The following TTLL5 variants were observed in gnomAD, a reference collection of about 807,000 sequenced individuals.
TTLL5 encodes tubulin polyglutamylase TTLL5.
TTLL5 carries 132 observed loss-of-function variants against 168.4 expected under a neutral mutation model. The observed-to-expected ratio is 0.78, with a 90% CI of 0.68 to 0.91. The LOEUF is 0.91. Ranked by LOEUF, TTLL5 falls within the 40% of genes least tolerant of loss-of-function variation. The pLI is 0.00. For missense variants in TTLL5, 1,545 were observed against 1,581.5 expected (o/e 0.98, Z 0.39); for synonymous variants, 546 against 558.6 (o/e 0.98, Z 0.32).
intron 28 of TTLL5, among the ~76,000 whole-genome samples, chr14:75,836,649 A>C (rs1342597616): frequency 6.6e-6 from 1 of 152,210 alleles, no homozygotes; most frequent in African/African-American, 2.4e-5. Flanking sequence ...GCCTTTATCA[A>C]AATATCTCAT....
intron 24 of TTLL5, among the ~76,000 whole-genome samples, chr14:75,782,144 G>A (rs1319641114): frequency 2.0e-5 from 3 of 151,956 alleles, no homozygotes; most frequent in Non-Finnish European, 4.4e-5. Flanking sequence ...AGAACCCTCA[G>A]TCTGAATTCC....
intron 19 of TTLL5, 100 bp downstream of exon 19, chr14:75,764,872 G>T: frequency 7.4e-7 from 1 of 1,345,562 alleles, no homozygotes; most frequent in Non-Finnish European, 1.0e-6. Flanking sequence ...GAATCTTCCT[G>T]ATCACATACA....
intron 27 of TTLL5, among the ~76,000 whole-genome samples, chr14:75,818,228 A>G (rs922841719): frequency 6.6e-6 from 1 of 152,164 alleles, no homozygotes; most frequent in Non-Finnish European, 1.5e-5. Context: ...TTTTTATTAT[A>G]AAAGGTAATA....
intron 29 of TTLL5, among the ~76,000 whole-genome samples, chr14:75,880,144 A>G (rs2031725276): frequency 6.6e-6 from 1 of 152,072 alleles, no homozygotes; most frequent in Admixed American, 6.6e-5. Context: ...ACTAGGAGAG[A>G]GAGAGAGAGA....
At chr14:75,801,374 A>C (rs1191553795) in intron 27 of TTLL5, among the ~76,000 whole-genome samples, 2 of 152,194 alleles carry the variant, frequency 1.3e-5, no homozygotes, top group Non-Finnish European at 2.9e-5. Context: ...CCTGGGGTGC[A>C]TAAGATATTT....
At chr14:75,771,284 G>C in intron 20 of TTLL5, among the ~76,000 whole-genome samples, 1 of 152,122 alleles carries the variant, frequency 6.6e-6, no homozygotes. Context: ...AAAATTAGCT[G>C]GGTGTGATGG....
chr14:75,791,391 A>G (rs1157686116), intron 26 of TTLL5, among the ~76,000 whole-genome samples: 2 of 152,208 alleles, frequency 1.3e-5, no homozygotes, highest in African/African-American at 4.8e-5. Context: ...AGCTGTATTT[A>G]TCTAGGATTA....
At position 75,829,821 on chromosome 14, in the gene TTLL5, A is replaced by C. The variant is rs532328521; in HGVS notation, c.3326+9660A>C. ...CAGTAAGTGGGAGCCAGTCTGGCTC[A>C]GACAGTGTGTCAGAAATAATGTATT... On this transcript the variant is annotated intron_variant, in intron 28 of 31. Transcript: ENST00000298832. Among the ~76,000 whole-genome samples the C allele has an allele frequency of 2.6e-5, 4 of 152,380 alleles. No individual in the cohort carries two copies. In the East Asian group the frequency reaches 7.7e-4, roughly 29 times the overall value.
intron 27 of TTLL5, among the ~76,000 whole-genome samples, chr14:75,808,243 A>C (rs1227972510): frequency 6.6e-6 from 1 of 152,180 alleles, no homozygotes; most frequent in Non-Finnish European, 1.5e-5. Flanking sequence ...TATTATGAAA[A>C]TGATGGAGCT....
chr14:75,906,634 A>G, intron 31 of TTLL5: 1 of 985,964 alleles, frequency 1.0e-6, no homozygotes. Flanking sequence ...CTACAGTTAT[A>G]GGACAGAGAA....
intron 27 of TTLL5, among the ~76,000 whole-genome samples, chr14:75,796,825 A>C (rs117195340): frequency 6.6e-6 from 1 of 152,008 alleles, no homozygotes; most frequent in Non-Finnish European, 1.5e-5. Flanking sequence ...TTTGGTAACT[A>C]TATCCTTTTA....
At chr14:75,906,756 C>G (rs1290780670) in intron 31 of TTLL5, 7 of 974,784 alleles carry the variant, frequency 7.2e-6, no homozygotes, top group Admixed American at 6.2e-5. Flanking sequence ...TAGTGGCTAC[C>G]AAAAGAAGTT....
rs753014357 is a variant in TTLL5, at chr14:75,771,827, T to C, written c.2109T>C (p.Ser703=). ...GTGGCGGTCAGACGTTCAGTGCCAG[T>C]TGGGCTGCCAAAGAGGATGAACAGA... is the stretch of plus-strand genomic sequence containing the variant. ...KDSGGQTFSA[S]WAAKEDEQME... is the part of the protein sequence containing the mutation. The change falls in exon 21 of 32, where the codon AGT becomes AGC. Residue 703 remains serine, a synonymous_variant. Coordinates refer to ENST00000298832, the MANE Select transcript of TTLL5 (RefSeq NM_015072.5). The C allele has an allele frequency of 3.1e-6, 5 of 1,613,954 alleles. No homozygotes were observed. The South Asian group carries it at 4.4e-5, about 14-fold the overall frequency.
At chr14:75,946,793 G>T (rs536934149) in intron 31 of TTLL5, among the ~76,000 whole-genome samples, 2 of 152,158 alleles carry the variant, frequency 1.3e-5, no homozygotes, top group African/African-American at 2.4e-5. Context: ...GAATGGGGAG[G>T]TTCGCTATTC....
chr14:75,932,192 G>A (rs1176162000), intron 31 of TTLL5, among the ~76,000 whole-genome samples: 1 of 152,168 alleles, frequency 6.6e-6, no homozygotes, highest in Non-Finnish European at 1.5e-5. Context: ...AGAGGAAACA[G>A]AAACTCCATG....
chr14:75,811,731 G>T (rs1423818959), intron 27 of TTLL5, among the ~76,000 whole-genome samples: 2 of 152,158 alleles, frequency 1.3e-5, no homozygotes, highest in African/African-American at 4.8e-5. Context: ...CAGCATTTTT[G>T]AGAGCATGCA....
intron 31 of TTLL5, among the ~76,000 whole-genome samples, chr14:75,947,998 G>A (rs988667650): frequency 1.3e-4 from 19 of 151,752 alleles, no homozygotes; most frequent in African/African-American, 4.6e-4. Flanking sequence ...TCTCATAGGC[G>A]TGTATACAAC....
In TTLL5 at chr14:75,784,316, T is replaced by C. The variant is rs528420695; in HGVS notation, c.2986+786T>C. ...TAGTCTTTTGTGAATGGCTGCTTTCTATTCTGGACATTGTATATAAGTAAA... is the reference window on the plus strand; with the variant it reads ...TAGTCTTTTGTGAATGGCTGCTTTCCATTCTGGACATTGTATATAAGTAAA... On this transcript the variant is annotated intron_variant, in intron 26 of 31. Transcript: ENST00000298832. Among the ~76,000 whole-genome samples the C allele has an allele frequency of 2.0e-5, 3 of 152,354 alleles. No individual in the cohort carries two copies. In the East Asian group the frequency reaches 5.8e-4, roughly 29 times the overall value.
In TTLL5 at chr14:75,750,892, G is replaced by C. The variant is rs370689506; in HGVS notation, c.1488-2001G>C. ...GGCCTCTCAAATATCTTATTGTTCTGTACTTACCCTTCCTTTTGTGATGAT... is the reference window on the plus strand; with the variant it reads ...GGCCTCTCAAATATCTTATTGTTCTCTACTTACCCTTCCTTTTGTGATGAT... On this transcript the variant is annotated intron_variant, in intron 17 of 31. Transcript: ENST00000298832. Among the ~76,000 whole-genome samples, 48 of 152,266 alleles carry C rather than the reference G, an allele frequency of 3.2e-4. No individual in the cohort carries two copies. The South Asian group carries it at 9.9e-3, about 32-fold the overall frequency.
Sources: gnomAD v4.1 joint callset for allele counts (sites outside exome capture counted in the v4.1 genomes callset) on GRCh38, gnomAD v4.1.1 for gene constraint, MANE v1.5 for transcripts, NCBI Gene and HGNC (gene_info 2026-07-23, HGNC 2026-07-21) for gene names.